Variants in STAM2 observed in about 807,000 individuals in gnomAD.
STAM2 encodes signal transducing adapter molecule 2.
In STAM2, 51 loss-of-function variants were observed where a neutral mutation model predicts 65.6. That is an observed-to-expected ratio of 0.78 (90% CI 0.62 to 0.98). The LOEUF is 0.98. Among genes scored for constraint, STAM2 ranks in the 50% least tolerant of loss-of-function variants. The pLI, the probability that STAM2 is intolerant of heterozygous loss-of-function variation, is 0.00. For missense variants in STAM2, 584 were observed against 617.8 expected (o/e 0.95, Z 0.58); for synonymous variants, 198 against 208.4 (o/e 0.95, Z 0.43).
chr2:152,150,965 G>A (rs984561424), intron 1 of STAM2, among the ~76,000 whole-genome samples: 1 of 151,846 alleles, frequency 6.6e-6, no homozygotes, highest in Admixed American at 6.6e-5. Context: ...GCTCCCAAAT[G>A]TTGGGATTAC....
chr2:152,149,786 C>G (rs1188231577), intron 2 of STAM2, among the ~76,000 whole-genome samples: 1 of 152,220 alleles, frequency 6.6e-6, no homozygotes, highest in Non-Finnish European at 1.5e-5. Flanking sequence ...GCGTGAGCCA[C>G]TGCGCCCAGC....
chr2:152,140,171 A>T (rs1165241959), intron 7 of STAM2, among the ~76,000 whole-genome samples: 1 of 152,226 alleles, frequency 6.6e-6, no homozygotes, highest in Non-Finnish European at 1.5e-5. Flanking sequence ...GGAGCTAAAA[A>T]GCAGAGAAAG....
At chr2:152,131,884 A>G in intron 11 of STAM2, 1 of 505,800 alleles carries the variant, frequency 2.0e-6, no homozygotes. Context: ...GTTAAAAGTA[A>G]GCCATGCAAA....
rs925380874 is a variant in STAM2, at chr2:152,119,481, G to C, written c.*1093C>G. ...CTTGGTATGTTGACAGCTTAGCAAC[G>C]GTACTTGAATCACCTCTTTAAAAAA... On this transcript the variant is annotated 3_prime_UTR_variant, in exon 14 of 14. Transcript: ENST00000263904. 1 of 151,976 alleles carries C rather than the reference G, an allele frequency of 6.6e-6. No homozygotes were observed. Among genetic ancestry groups the C allele is most frequent in the South Asian group, 2.1e-4 (1 of 4,826 alleles). 9.4% of individuals were successfully genotyped at this position (151,976 alleles called of 1,614,324 possible). A position where few individuals can be genotyped will look rare whatever the true frequency, so the allele number is the denominator to read the frequency against.
In STAM2 at chr2:152,165,056, C is replaced by T. The variant is rs916247788; in HGVS notation, c.40+10547G>A. Among the ~76,000 whole-genome samples the T allele has an allele frequency of 5.3e-5, 8 of 152,224 alleles. No homozygotes were observed. The East Asian group carries it at 1.5e-3, about 29-fold the overall frequency. ...ACTCAGGAGACAGGGCAGAAGCATA[C>T]ATGTTATAATTTCCATTGTAATAGG... On this transcript the variant is annotated intron_variant, in intron 1 of 13. Transcript: ENST00000263904.
At chr2:152,169,337 T>C (rs2345640) in intron 1 of STAM2, among the ~76,000 whole-genome samples, 151,127 of 152,266 alleles carry the variant, frequency 0.99, 75,020 homozygotes, top group Middle Eastern at 1. Context: ...AGTGCAGTGA[T>C]GCAATCATGG....
Position 152,120,763 on chromosome 2 carries a change from G to A in STAM2, c.1389C>T (p.Asn463=), listed in dbSNP as rs773766805. The A allele has an allele frequency of 1.9e-6, 3 of 1,614,106 alleles. No homozygotes were observed. The highest frequency in any genetic ancestry group is 2.5e-6 in the Non-Finnish European group (3 of 1,180,016). Residue 463 remains asparagine, a synonymous_variant, in exon 14 of 14, where the codon AAC becomes AAT. Coordinates refer to ENST00000263904, the MANE Select transcript of STAM2 (RefSeq NM_005843.6). Reference sequence around the variant, plus strand: ...TAGCTGACTGTAGGTTAGAGTTCTGGTTCATATAAGTAGGATTGGAAACAG... The same window carrying A: ...TAGCTGACTGTAGGTTAGAGTTCTGATTCATATAAGTAGGATTGGAAACAG... ...QDTVSNPTYM[N]QNSNLQSATG... is the part of the protein sequence containing the mutation.
At chr2:152,160,845 C>T (rs1208733586) in intron 1 of STAM2, among the ~76,000 whole-genome samples, 7 of 146,130 alleles carry the variant, frequency 4.8e-5, no homozygotes, top group African/African-American at 1.3e-4. Context: ...GCCCCCCACC[C>T]GGCCAGCCGC....
chr2:152,151,028 G>C (rs1236178776), intron 1 of STAM2, among the ~76,000 whole-genome samples: 3 of 151,800 alleles, frequency 2.0e-5, no homozygotes, highest in African/African-American at 7.3e-5. Context: ...AAGGAAAATT[G>C]ATTAATAAAT....
rs1253047617 is a variant in STAM2 at position 152,143,853 on chromosome 2, A to G, written c.678T>C (p.Gly226=). ...TGTCATCCAAAACAATAATTATTTCACCATGTTTAAAGGTGAGTTCATTGT... is the reference window on the plus strand; with the variant it reads ...TGTCATCCAAAACAATAATTATTTCGCCATGTTTAAAGGTGAGTTCATTGT... The part of the protein sequence containing the change: ...VEDNELTFKH[G]EIIIVLDDSD... Residue 226 remains glycine, a synonymous_variant, in exon 7 of 14, where the codon GGT becomes GGC. Transcript: ENST00000263904. 1 of 1,609,898 alleles carries G rather than the reference A, an allele frequency of 6.2e-7. No individual in the cohort carries two copies. Among genetic ancestry groups the G allele is most frequent in the Non-Finnish European group, 8.5e-7 (1 of 1,178,414 alleles).
chr2:152,147,030 A>G (rs1689348859), intron 5 of STAM2, 132 bp downstream of exon 5: 1 of 777,126 alleles, frequency 1.3e-6, no homozygotes, highest in South Asian at 2.6e-5. Context: ...TAAGGAAGGC[A>G]CTATGCTAGA....
chr2:152,154,418 C>T (rs558504516), intron 1 of STAM2, among the ~76,000 whole-genome samples: 55 of 152,260 alleles, frequency 3.6e-4, no homozygotes, highest in African/African-American at 1.2e-3. Context: ...GAGTTCAAGA[C>T]CAGCCTGGGC....
At position 152,174,908 on chromosome 2, in the gene STAM2, T is replaced by C. The variant is rs555636393; in HGVS notation, c.40+695A>G. ...TCTTATCCATGTTTTTCTCATTCTA[T>C]AGTCACTGAGAGACCAGCGCTTTAT... On this transcript the variant is annotated intron_variant, in intron 1 of 13. Coordinates refer to ENST00000263904, the MANE Select transcript of STAM2 (RefSeq NM_005843.6). Among the ~76,000 whole-genome samples, 9 of 152,330 alleles carry C rather than the reference T, an allele frequency of 5.9e-5. No homozygotes were observed. The South Asian group carries it at 6.2e-4, about 11-fold the overall frequency.
chr2:152,172,936 A>C (rs1317766422), intron 1 of STAM2, among the ~76,000 whole-genome samples: 1 of 151,980 alleles, frequency 6.6e-6, no homozygotes. Flanking sequence ...TTACAGAGAA[A>C]GCTCCTATCT....
At chr2:152,168,193 C>A (rs932250178) in intron 1 of STAM2, among the ~76,000 whole-genome samples, 2 of 151,772 alleles carry the variant, frequency 1.3e-5, no homozygotes, top group Admixed American at 6.6e-5. Flanking sequence ...TGGAGTCTCG[C>A]TCTGTCGTCC....
chr2:152,169,276 G>A (rs1415045374), intron 1 of STAM2, among the ~76,000 whole-genome samples: 1 of 151,938 alleles, frequency 6.6e-6, no homozygotes, highest in Non-Finnish European at 1.5e-5. Flanking sequence ...TTTTGGTTTC[G>A]TTTTTTTGTT....
rs1320412397 is a variant in STAM2 at position 152,147,945 on chromosome 2, G to A, written c.300+79C>T. 4.5e-5 allele frequency: 46 copies of A among 1,018,812 alleles called. No homozygotes were observed. The South Asian group carries it at 7.0e-4, about 15-fold the overall frequency. 63.1% of individuals were successfully genotyped at this position (1,018,812 alleles called of 1,614,324 possible). A position where few individuals can be genotyped will look rare whatever the true frequency, so the allele number is the denominator to read the frequency against. ...AAATGACTTCATTTATAATACTTTAGTAATGCCACATATAGTTATAATGAC... is the reference window on the plus strand; with the variant it reads ...AAATGACTTCATTTATAATACTTTAATAATGCCACATATAGTTATAATGAC... On this transcript the variant is annotated intron_variant, in intron 4 of 13. Transcript: ENST00000263904.
chr2:152,156,467 T>C (rs1689548519), intron 1 of STAM2, among the ~76,000 whole-genome samples: 1 of 152,172 alleles, frequency 6.6e-6, no homozygotes, highest in Non-Finnish European at 1.5e-5. Context: ...CTATATCACA[T>C]TATTCTGTGT....
intron 11 of STAM2, among the ~76,000 whole-genome samples, chr2:152,127,086 C>T (rs2105530164): frequency 6.6e-6 from 1 of 152,292 alleles, no homozygotes; most frequent in African/African-American, 2.4e-5. Flanking sequence ...TACTTGGACC[C>T]AAGAAGATTC....
Sources: gnomAD v4.1 joint callset for allele counts (sites outside exome capture counted in the v4.1 genomes callset) on GRCh38, gnomAD v4.1.1 for gene constraint, MANE v1.5 for transcripts, NCBI Gene and HGNC (gene_info 2026-07-23, HGNC 2026-07-21) for gene names.